The following AFF3 variants were observed in gnomAD, a reference collection of about 807,000 sequenced individuals.
AFF3 encodes ALF transcription elongation factor 3.
AFF3 carries 32 observed loss-of-function variants against 129.7 expected under a neutral mutation model. That is an observed-to-expected ratio of 0.25 (90% CI 0.19 to 0.33). The LOEUF (loss-of-function observed/expected upper bound fraction) is 0.33, where lower values mean the gene tolerates loss of function less well. Among genes scored for constraint, AFF3 ranks in the 10% least tolerant of loss-of-function variants. The pLI is 1.00. For synonymous variants in AFF3, 644 were observed against 635.4 expected (o/e 1.01, Z -0.20); for missense variants, 1,373 against 1,592.0 (o/e 0.86, Z 2.34).
At chr2:99,996,432 T>C (rs1401502793) in intron 7 of AFF3, among the ~76,000 whole-genome samples, 3 of 152,002 alleles carry the variant, frequency 2.0e-5, no homozygotes, top group Non-Finnish European at 4.4e-5. Flanking sequence ...TGTTTTGAGA[T>C]GGAGTCTCAC....
intron 13 of AFF3, among the ~76,000 whole-genome samples, chr2:99,616,654 G>A (rs1681466062): frequency 6.6e-6 from 1 of 152,094 alleles, no homozygotes; most frequent in Admixed American, 6.6e-5. Flanking sequence ...TACTCGGGAG[G>A]CTGAGACAGG....
rs539093948 is a variant in AFF3 at position 99,565,728 on chromosome 2, T to G, written c.2983-105A>C. The G allele has an allele frequency of 2.4e-6, 3 of 1,230,868 alleles. No individual in the cohort carries two copies. The East Asian group carries it at 7.1e-5, about 29-fold the overall frequency. 76.2% of individuals were successfully genotyped at this position (1,230,868 alleles called of 1,614,324 possible). ...ATTTGAGAAACCCAACTCTGACTTC[T>G]AAAATCCTATGAAGCTGAGAGAAGA... On this transcript the variant is annotated intron_variant, in intron 19 of 24. Coordinates refer to ENST00000672756, the MANE Select transcript of AFF3 (RefSeq NM_001386135.1).
chr2:99,602,198 C>A (rs893390622), intron 13 of AFF3, among the ~76,000 whole-genome samples: 8 of 152,124 alleles, frequency 5.3e-5, no homozygotes, highest in African/African-American at 1.7e-4. Flanking sequence ...TCCCTTTTCC[C>A]ACCTGTAGTT....
At chr2:99,855,153 T>G (rs973143794) in intron 7 of AFF3, among the ~76,000 whole-genome samples, 1 of 152,196 alleles carries the variant, frequency 6.6e-6, no homozygotes, top group South Asian at 2.1e-4. Context: ...ATTAAATACT[T>G]TTCTTCTTCA....
chr2:99,959,597 C>T (rs1463553980), intron 7 of AFF3, among the ~76,000 whole-genome samples: 1 of 151,276 alleles, frequency 6.6e-6, no homozygotes, highest in Non-Finnish European at 1.5e-5. Context: ...CACAATCCCT[C>T]TGTTACACGT....
chr2:99,601,712 G>A, intron 13 of AFF3, 91 bp from the exon 14 acceptor site: 1 of 1,436,768 alleles, frequency 7.0e-7, no homozygotes, highest in Non-Finnish European at 9.3e-7. Flanking sequence ...GCACCCTAAA[G>A]AGGGAGGAGG....
chr2:99,705,874 C>CAAAAAA (rs34186291), intron 11 of AFF3, among the ~76,000 whole-genome samples: 2 of 53,426 alleles, frequency 3.7e-5, no homozygotes, highest in African/African-American at 1.4e-4. Flanking sequence ...AACTGCGCCT[C>CAAAAAA]AAAAAAAAAA....
chr2:99,690,155 TTTA>T (rs200485697), intron 11 of AFF3, among the ~76,000 whole-genome samples: 27,458 of 122,656 alleles, frequency 0.22, 3,084 homozygotes, highest in Admixed American at 0.24. Context: ...AACCACAATC[TTTA>T]TTATTATTAT....
intron 11 of AFF3, among the ~76,000 whole-genome samples, chr2:99,698,699 G>A (rs1282981276): frequency 3.9e-5 from 6 of 152,196 alleles, no homozygotes; most frequent in African/African-American, 7.2e-5. Flanking sequence ...GCTAATAGTC[G>A]TGGATTCACA....
At chr2:99,563,531 C>T (rs1185715703) in intron 20 of AFF3, among the ~76,000 whole-genome samples, 2 of 151,122 alleles carry the variant, frequency 1.3e-5, no homozygotes, top group Non-Finnish European at 3.0e-5. Context: ...AAAGAGCTAG[C>T]CAGGTGCGGT....
intron 4 of AFF3, among the ~76,000 whole-genome samples, chr2:100,076,029 CA>C (rs939653986): frequency 1.3e-5 from 2 of 152,046 alleles, no homozygotes; most frequent in Non-Finnish European, 2.9e-5. Flanking sequence ...GGTTAGCATG[CA>C]AAGCAAATTA....
At chr2:99,644,405 T>C (rs888479909) in intron 13 of AFF3, among the ~76,000 whole-genome samples, 3 of 152,216 alleles carry the variant, frequency 2.0e-5, no homozygotes, top group African/African-American at 7.2e-5. Flanking sequence ...TATTTCTAGC[T>C]GAACGTGATT....
intron 10 of AFF3, among the ~76,000 whole-genome samples, chr2:99,740,210 CATT>C (rs905373823): frequency 1.2e-4 from 18 of 150,032 alleles, no homozygotes; most frequent in African/African-American, 4.4e-4. Flanking sequence ...TCCAGTCTGT[CATT>C]GTTGGACATT....
intron 7 of AFF3, among the ~76,000 whole-genome samples, chr2:99,900,539 A>T (rs927158237): frequency 4.6e-5 from 7 of 152,010 alleles, no homozygotes; most frequent in Admixed American, 4.6e-4. Context: ...CCCTGCCCAT[A>T]GCGACAACGT....
chr2:99,945,344 G>C (rs1675457288), intron 7 of AFF3, among the ~76,000 whole-genome samples: 1 of 152,184 alleles, frequency 6.6e-6, no homozygotes, highest in Non-Finnish European at 1.5e-5. Context: ...GAAGACTCAT[G>C]GCAAATATGA....
intron 4 of AFF3, among the ~76,000 whole-genome samples, chr2:100,052,520 A>G (rs952405688): frequency 6.6e-6 from 1 of 152,060 alleles, no homozygotes; most frequent in Non-Finnish European, 1.5e-5. Flanking sequence ...GAGTGGATCC[A>G]TAACAGTCCC....
chr2:99,735,516 G>A (rs75819458), intron 10 of AFF3, among the ~76,000 whole-genome samples: 10 of 151,628 alleles, frequency 6.6e-5, no homozygotes, highest in African/African-American at 2.2e-4. Context: ...ATTTAGAGAC[G>A]GAGTCTCACT....
intron 7 of AFF3, among the ~76,000 whole-genome samples, chr2:99,974,847 C>T (rs1398984861): frequency 6.6e-6 from 1 of 152,140 alleles, no homozygotes; most frequent in Non-Finnish European, 1.5e-5. Flanking sequence ...CACTGCCTTC[C>T]CAAATTGTGA....
intron 7 of AFF3, among the ~76,000 whole-genome samples, chr2:99,892,955 G>C (rs568756960): frequency 1.1e-4 from 16 of 152,290 alleles, no homozygotes; most frequent in Admixed American, 6.5e-4. Context: ...ACAGCATAGA[G>C]GGAAGGTGTG....
Sources: gnomAD v4.1 joint callset for allele counts (sites outside exome capture counted in the v4.1 genomes callset) on GRCh38, gnomAD v4.1.1 for gene constraint, MANE v1.5 for transcripts, NCBI Gene and HGNC (gene_info 2026-07-23, HGNC 2026-07-21) for gene names.